The following TRIP11 variants were observed in gnomAD, a reference collection of about 807,000 sequenced individuals.
The protein encoded by TRIP11 is thyroid hormone receptor interactor 11.
Under a neutral mutation model 223.1 loss-of-function variants are expected in TRIP11, and 148 were observed. The ratio of observed to expected loss-of-function variants is 0.66; its 90% CI spans 0.58 to 0.76. TRIP11 has a LOEUF of 0.76. Ranked by LOEUF, TRIP11 falls within the 30% of genes least tolerant of loss-of-function variation. The pLI, the probability that TRIP11 is intolerant of heterozygous loss-of-function variation, is 0.00. For synonymous variants in TRIP11, 762 were observed against 772.6 expected, an observed-to-expected ratio of 0.99 and a Z score of 0.23; for missense variants, 2,043 against 2,222.0, an observed-to-expected ratio of 0.92 and a Z score of 1.62.
At chr14:91,988,155 G>T (rs548636328) in intron 16 of TRIP11, 129 bp downstream of exon 16, 3 of 721,948 alleles carry the variant, frequency 4.2e-6, no homozygotes, top group Non-Finnish European at 7.1e-6. Flanking sequence ...GTCAGTCAGG[G>T]AAGATACAAA....
intron 16 of TRIP11, among the ~76,000 whole-genome samples, chr14:91,982,266 T>A (rs1316054928): frequency 2.0e-5 from 3 of 152,242 alleles, no homozygotes; most frequent in Non-Finnish European, 4.4e-5. Flanking sequence ...TATTTCTCCA[T>A]ATTGAAACAG....
At chr14:91,994,753 A>G (rs1468746) in intron 14 of TRIP11, among the ~76,000 whole-genome samples, 78,673 of 151,992 alleles carry the variant, frequency 0.52, 21,510 homozygotes, top group African/African-American at 0.69. Context: ...TCTAAAGTGA[A>G]TAAATGTAAG....
Position 92,005,213 on chromosome 14 carries a change from A to G in TRIP11, c.2763T>C (p.Asp921=), listed in dbSNP as rs2056883051. The G allele has an allele frequency of 6.2e-7, 1 of 1,613,818 alleles. No homozygotes were observed. Among genetic ancestry groups the G allele is most frequent in the Admixed American group, 1.7e-5 (1 of 59,982 alleles). ...GTAGTTGCATCTTACTCTGGTTTTGATCTTCAATTATCTTTTGATGATGTT... is the reference window on the plus strand; with the variant it reads ...GTAGTTGCATCTTACTCTGGTTTTGGTCTTCAATTATCTTTTGATGATGTT... ...EIKHHQKIIE[D]QNQSKMQLLQ... Residue 921 remains aspartate (D), a synonymous_variant, in exon 11 of 21, where the codon GAT becomes GAC. Transcript: ENST00000267622.
In TRIP11 at chr14:91,978,994, C is replaced by T. The variant is rs959654203; in HGVS notation, c.5261-2805G>A. 2.6e-5 allele frequency among the ~76,000 whole-genome samples: 4 copies of T among 152,046 alleles called. No homozygotes were observed. The highest frequency in any genetic ancestry group is 1.9e-4 in the East Asian group (1 of 5,180). ...AAGAGAGGCTGGGCGCAGTGGCTCA[C>T]GCTTGTAATCCCAGTGCTTTGCGAG... On this transcript the variant is annotated intron_variant, in intron 16 of 20. Coordinates refer to ENST00000267622, the MANE Select transcript of TRIP11 (RefSeq NM_004239.4). The surrounding 1 kb of genome is among the most constrained non-coding windows in gnomAD (Gnocchi z 4.4).
Position 92,003,714 on chromosome 14 carries a change from T to A in TRIP11, c.4262A>T (p.Asp1421Val). 2 of 1,614,216 alleles carry A rather than the reference T, an allele frequency of 1.2e-6. No individual in the cohort carries two copies. Among genetic ancestry groups the A allele is most frequent in the Non-Finnish European group, 1.7e-6 (2 of 1,180,028 alleles). Residue 1421 changes from aspartate (D) to valine (V), a missense_variant, in exon 11 of 21, where the codon GAT (aspartate) becomes GTT (valine). Asp to Val is a radical substitution (Grantham distance 152, BLOSUM62 -3). Coordinates refer to ENST00000267622, the MANE Select transcript of TRIP11 (RefSeq NM_004239.4). Reference sequence around the variant, plus strand: ...ATTTTCATTGGAAGAAAGTAGTTGATCACTTTTGGCTTTGATTAAGAGGTC... The same window carrying A: ...ATTTTCATTGGAAGAAAGTAGTTGAACACTTTTGGCTTTGATTAAGAGGTC... ...EKDLLIKAKS[D>V]QLLSSNENFT...
intron 2 of TRIP11, among the ~76,000 whole-genome samples, chr14:92,028,679 G>T (rs957933751): frequency 7.9e-5 from 12 of 152,134 alleles, no homozygotes; most frequent in Non-Finnish European, 1.6e-4. Flanking sequence ...GAACAGAGGG[G>T]GCTGGTCTGA....
At chr14:92,026,764 G>C in intron 2 of TRIP11, 1 of 1,155,920 alleles carries the variant, frequency 8.7e-7, no homozygotes, top group South Asian at 1.3e-5. Context: ...AGAAGGTGAG[G>C]GTGAGGAAGA....
At chr14:92,006,795 A>C (rs962252800) in intron 10 of TRIP11, among the ~76,000 whole-genome samples, 23 of 152,046 alleles carry the variant, frequency 1.5e-4, no homozygotes, top group African/African-American at 4.6e-4. Context: ...CAACCTCCCG[A>C]GTAGCTGGGA....
intron 20 of TRIP11, among the ~76,000 whole-genome samples, chr14:91,972,470 T>C (rs2056411759): frequency 6.6e-6 from 1 of 152,196 alleles, no homozygotes; most frequent in Non-Finnish European, 1.5e-5. Flanking sequence ...TATTCTGATA[T>C]ACAAAGGGAA....
At chr14:92,020,050 C>T (rs371729720) in intron 4 of TRIP11, among the ~76,000 whole-genome samples, 34 of 152,106 alleles carry the variant, frequency 2.2e-4, no homozygotes, top group African/African-American at 7.5e-4. Context: ...GAGTTTGAGA[C>T]CAGCCTGGGT....
intron 10 of TRIP11, 63 bp downstream of exon 10, chr14:92,007,577 C>A (rs1441165434): frequency 6.5e-7 from 1 of 1,535,196 alleles, no homozygotes; most frequent in East Asian, 2.3e-5. Context: ...ATCACACCCA[C>A]CATTTCTGTG....
intron 1 of TRIP11, among the ~76,000 whole-genome samples, chr14:92,039,249 C>A (rs112710207): frequency 6.6e-6 from 1 of 152,082 alleles, no homozygotes; most frequent in African/African-American, 2.4e-5. Context: ...AAGTGGTGGG[C>A]GTGGATCAAC....
At chr14:91,976,324 C>A in intron 16 of TRIP11, 135 bp from the exon 17 acceptor site, 2 of 784,582 alleles carry the variant, frequency 2.5e-6, no homozygotes, top group Non-Finnish European at 2.1e-6. Flanking sequence ...TATTCAATAA[C>A]TTCTATCTCT....
chr14:92,025,228 C>T, intron 3 of TRIP11, 82 bp downstream of exon 3: 1 of 1,086,050 alleles, frequency 9.2e-7, no homozygotes, highest in Non-Finnish European at 1.4e-6. Flanking sequence ...TCTGAATATA[C>T]CTCGATTTAT....
intron 19 of TRIP11, 86 bp downstream of exon 19, chr14:91,974,541 T>C (rs71430745): frequency 8.9e-7 from 1 of 1,124,820 alleles, no homozygotes. Flanking sequence ...AAAATAATTT[T>C]AAAAAAAAAT....
intron 4 of TRIP11, among the ~76,000 whole-genome samples, chr14:92,018,273 T>G (rs2057061955): frequency 1.3e-5 from 2 of 151,796 alleles, no homozygotes; most frequent in Admixed American, 1.3e-4. Context: ...TTTTTTTTTG[T>G]AGAGATGGGA....
chr14:92,027,200 T>C lies in TRIP11; in HGVS notation c.202-1780A>G, dbSNP rs145536656. On this transcript the variant is annotated intron_variant, in intron 2 of 20. Transcript: ENST00000267622. Reference sequence around the variant, plus strand: ...ACATATTGTTAGGGTCAGCCATTTTTAATGATCTCGGATGACCAAACCAGC... The same window carrying C: ...ACATATTGTTAGGGTCAGCCATTTTCAATGATCTCGGATGACCAAACCAGC... Among the ~76,000 whole-genome samples, 695 of 152,032 alleles carry C rather than the reference T, an allele frequency of 4.6e-3. 10 individuals carry two copies. The highest frequency in any genetic ancestry group is 0.036 in the South Asian group (171 of 4,810).
At chr14:91,975,984 G>T in intron 17 of TRIP11, 124 bp downstream of exon 17, 1 of 787,960 alleles carries the variant, frequency 1.3e-6, no homozygotes, top group Non-Finnish European at 2.1e-6. Flanking sequence ...TCCTCACTAA[G>T]AGTGAGGGGA....
rs770795352 is a variant in TRIP11 at position 91,995,413 on chromosome 14, T to C, written c.4995A>G (p.Gln1665=). 1 of 1,614,134 alleles carries C rather than the reference T, an allele frequency of 6.2e-7. No individual in the cohort carries two copies. The highest frequency in any genetic ancestry group is 8.5e-7 in the Non-Finnish European group (1 of 1,180,012). Residue 1665 remains glutamine, a synonymous_variant, in exon 14 of 21, where the codon CAA becomes CAG. Transcript: ENST00000267622. ...TALQLSVSQE[Q]VKQYALSLAN... is the part of the protein sequence containing the mutation. Reference sequence around the variant, plus strand: ...CCAGTGACAGAGCATACTGCTTTACTTGTTCCTGAGAGACAGAAAGCTGCA... The same window carrying C: ...CCAGTGACAGAGCATACTGCTTTACCTGTTCCTGAGAGACAGAAAGCTGCA...
Sources: allele counts gnomAD v4.1 joint callset (sites outside exome capture counted in the v4.1 genomes callset), GRCh38; gene constraint gnomAD v4.1.1; non-coding constraint Gnocchi (gnomAD v3.1); transcripts MANE v1.5; gene names NCBI Gene and HGNC (gene_info 2026-07-23, HGNC 2026-07-21).